Variants in LRRC7 observed in about 807,000 individuals in gnomAD.
The protein encoded by LRRC7 is leucine-rich repeat-containing protein 7.
Under a neutral mutation model 175.7 loss-of-function variants are expected in LRRC7, and 23 were observed. The observed-to-expected ratio is 0.13, with a 90% CI of 0.09 to 0.19. The LOEUF (loss-of-function observed/expected upper bound fraction) is 0.19. Among genes scored for constraint, LRRC7 ranks in the 10% least tolerant of loss-of-function variants. LRRC7 has a pLI of 1.00. For missense variants in LRRC7, 1,354 were observed against 1,904.7 expected, an observed-to-expected ratio of 0.71 and a Z score of 5.38; for synonymous variants, 685 against 680.9, an observed-to-expected ratio of 1.01 and a Z score of -0.09.
chr1:69,775,325 A>G (rs1672692969), intron 3 of LRRC7, among the ~76,000 whole-genome samples: 1 of 152,210 alleles, frequency 6.6e-6, no homozygotes, highest in Non-Finnish European at 1.5e-5. Flanking sequence ...ATGTTTTAAT[A>G]TTATTCATTT....
chr1:69,970,994 T>A (rs1484600386), intron 8 of LRRC7, among the ~76,000 whole-genome samples: 1 of 152,136 alleles, frequency 6.6e-6, no homozygotes, highest in African/African-American at 2.4e-5. Context: ...TCAACAAATG[T>A]GATACACCAC....
At chr1:69,794,972 C>G (rs1185367692) in intron 4 of LRRC7, among the ~76,000 whole-genome samples, 2 of 152,186 alleles carry the variant, frequency 1.3e-5, no homozygotes, top group African/African-American at 4.8e-5. Flanking sequence ...GCGAACCACT[C>G]TGCAATACTA....
At chr1:69,671,457 C>A (rs1037819294) in intron 1 of LRRC7, among the ~76,000 whole-genome samples, 1 of 152,086 alleles carries the variant, frequency 6.6e-6, no homozygotes, top group African/African-American at 2.4e-5. Flanking sequence ...GCTGTGCAGC[C>A]TGGGGTTAGA....
In LRRC7 at chr1:70,136,860, G is replaced by T. The variant is rs1217329267; in HGVS notation, c.*14973G>T. 1.3e-5 allele frequency among the ~76,000 whole-genome samples: 2 copies of T among 151,004 alleles called. No individual in the cohort carries two copies. The highest frequency in any genetic ancestry group is 3.0e-5 in the Non-Finnish European group (2 of 67,796). On this transcript the variant is annotated 3_prime_UTR_variant, in exon 27 of 27. Transcript: ENST00000651989. ...TCCACCTCAGCCTCCTGAGTAGCTG[G>T]GACTATAGGCATGCACCACCACTCC...
At chr1:69,865,493 T>C (rs1339438542) in intron 7 of LRRC7, among the ~76,000 whole-genome samples, 1 of 129,074 alleles carries the variant, frequency 7.7e-6, no homozygotes, top group Admixed American at 7.8e-5. Context: ...TTTTTTTTTT[T>C]TGAAACGGAG....
intron 2 of LRRC7, among the ~76,000 whole-genome samples, chr1:69,742,136 A>G (rs1668779620): frequency 6.6e-6 from 1 of 152,072 alleles, no homozygotes; most frequent in African/African-American, 2.4e-5. Context: ...TAAGGTTATA[A>G]ATTGAATAAA....
intron 3 of LRRC7, among the ~76,000 whole-genome samples, chr1:69,764,689 G>A (rs1671407160): frequency 6.6e-6 from 1 of 151,468 alleles, no homozygotes; most frequent in African/African-American, 2.4e-5. Context: ...ACTGTCTCCT[G>A]TGGGTGGGTA....
At chr1:70,051,503 A>C (rs950873660) in intron 22 of LRRC7, among the ~76,000 whole-genome samples, 1 of 152,018 alleles carries the variant, frequency 6.6e-6, no homozygotes, top group Non-Finnish European at 1.5e-5. Flanking sequence ...TAAACACTAG[A>C]AAAGTGATGC....
chr1:70,001,862 C>T (rs1278709857), intron 11 of LRRC7, among the ~76,000 whole-genome samples: 1 of 152,036 alleles, frequency 6.6e-6, no homozygotes, highest in Non-Finnish European at 1.5e-5. Flanking sequence ...GCTTTCTTTA[C>T]AGGTATTATC....
At chr1:69,646,132 A>G (rs1654976724) in intron 1 of LRRC7, among the ~76,000 whole-genome samples, 1 of 152,052 alleles carries the variant, frequency 6.6e-6, no homozygotes. Context: ...CCTTTTTTTC[A>G]AACTGAGAGT....
intron 1 of LRRC7, among the ~76,000 whole-genome samples, chr1:69,580,550 G>T (rs1646154551): frequency 6.6e-6 from 1 of 152,102 alleles, no homozygotes; most frequent in Non-Finnish European, 1.5e-5. Context: ...ACAAATCAAA[G>T]ACACTAGGGT....
intron 5 of LRRC7, among the ~76,000 whole-genome samples, chr1:69,830,706 A>C (rs550568922): frequency 6.6e-6 from 1 of 151,960 alleles, no homozygotes; most frequent in East Asian, 1.9e-4. Flanking sequence ...TTCAATAAAA[A>C]ATTCACGTTG....
Position 69,686,343 on chromosome 1 carries a change from G to A in LRRC7, c.100+7865G>A, listed in dbSNP as rs542429637. Among the ~76,000 whole-genome samples the A allele has an allele frequency of 4.2e-4, 64 of 152,210 alleles. No homozygotes were observed. The South Asian group carries it at 0.013, about 30-fold the overall frequency. The stretch of plus-strand genomic sequence containing the variant: ...AACAGTAGAATGAATAAAAACAGAA[G>A]TATGAATAATAGAATTTTCTTTACC... On this transcript the variant is annotated intron_variant, in intron 2 of 26. Transcript: ENST00000651989.
chr1:69,815,768 G>C (rs1050513697), intron 4 of LRRC7, among the ~76,000 whole-genome samples: 1 of 152,038 alleles, frequency 6.6e-6, no homozygotes, highest in Non-Finnish European at 1.5e-5. Context: ...AGTTCTGGAG[G>C]CTGGGAAATC....
chr1:70,116,464 G>A (rs1665859633), intron 26 of LRRC7, among the ~76,000 whole-genome samples: 1 of 151,316 alleles, frequency 6.6e-6, no homozygotes. Flanking sequence ...GGAGAATGGC[G>A]TGAGCCCGGG....
chr1:69,588,128 C>T (rs1646477590), intron 1 of LRRC7, among the ~76,000 whole-genome samples: 1 of 152,160 alleles, frequency 6.6e-6, no homozygotes, highest in Non-Finnish European at 1.5e-5. Context: ...ATACCTTCTG[C>T]CTCCTTCCAT....
chr1:69,652,976 T>G (rs1656081350), intron 1 of LRRC7, among the ~76,000 whole-genome samples: 1 of 152,014 alleles, frequency 6.6e-6, no homozygotes, highest in African/African-American at 2.4e-5. Context: ...AAAGATAAGA[T>G]GGGAAACCAT....
Position 69,857,152 on chromosome 1 carries a change from A to G in LRRC7, c.647+18869A>G, listed in dbSNP as rs182224248. On this transcript the variant is annotated intron_variant, in intron 7 of 26. Coordinates refer to ENST00000651989, the MANE Select transcript of LRRC7 (RefSeq NM_001370785.2). The stretch of plus-strand genomic sequence containing the variant: ...GCTATTTATGACAAACCCACAGCCA[A>G]TAACATACTGAATGGGCAAAAACTG... 3.9e-3 allele frequency among the ~76,000 whole-genome samples: 600 copies of G among 152,272 alleles called. 3 individuals are homozygous for G. Among genetic ancestry groups the G allele is most frequent in the African/African-American group, 0.013 (556 of 41,556 alleles).
chr1:69,935,312 A>C (rs1647888984), intron 8 of LRRC7, among the ~76,000 whole-genome samples: 1 of 152,182 alleles, frequency 6.6e-6, no homozygotes, highest in South Asian at 2.1e-4. Flanking sequence ...TCAAGCAGGT[A>C]GTGCTTGAAT....
Sources: allele counts gnomAD v4.1 joint callset (sites outside exome capture counted in the v4.1 genomes callset), GRCh38; gene constraint gnomAD v4.1.1; transcripts MANE v1.5; gene names NCBI Gene and HGNC (gene_info 2026-07-23, HGNC 2026-07-21).